The following PPM1H variants were observed in gnomAD, a reference collection of about 807,000 sequenced individuals.
PPM1H encodes protein phosphatase, Mg2+/Mn2+ dependent 1H.
PPM1H carries 27 observed loss-of-function variants against 54.9 expected under a neutral mutation model. The ratio of observed to expected loss-of-function variants is 0.49; its 90% confidence interval spans 0.36 to 0.68. The LOEUF is 0.68. Among genes scored for constraint, PPM1H ranks in the 30% least tolerant of loss-of-function variants. The pLI is 0.00. For missense variants in PPM1H, 596 were observed against 667.8 expected (o/e 0.89, Z 1.19); for synonymous variants, 305 against 270.8 (o/e 1.13, Z -1.24).
intron 1 of PPM1H, among the ~76,000 whole-genome samples, chr12:62,887,042 G>A (rs890705202): frequency 2.0e-5 from 3 of 152,180 alleles, no homozygotes; most frequent in Admixed American, 6.5e-5. Flanking sequence ...AGAACTGGCC[G>A]AAGAATGAAT....
chr12:62,728,045 T>C (rs2076299498), intron 5 of PPM1H, among the ~76,000 whole-genome samples: 1 of 152,026 alleles, frequency 6.6e-6, no homozygotes, highest in Non-Finnish European at 1.5e-5. Context: ...AATCCTAAAT[T>C]TTGAGGTTTT....
Position 62,735,511 on chromosome 12 carries a change from C to T in PPM1H, c.954+1991G>A, listed in dbSNP as rs185116932. On this transcript the variant is annotated intron_variant, in intron 5 of 9. Transcript: ENST00000228705. ...GGGATTACAGGCATGAGCCACCGTG[C>T]CCAGCCTGTTTTTAAATCTTTCGTT... is the stretch of plus-strand genomic sequence containing the variant. 2.4e-4 allele frequency among the ~76,000 whole-genome samples: 36 copies of T among 152,298 alleles called. No individual in the cohort carries two copies. In the East Asian group the frequency reaches 6.8e-3, roughly 29 times the overall value.
At chr12:62,739,511 A>G (rs1261439828) in intron 4 of PPM1H, among the ~76,000 whole-genome samples, 1 of 152,116 alleles carries the variant, frequency 6.6e-6, no homozygotes, top group Non-Finnish European at 1.5e-5. Context: ...TCCAAAGATA[A>G]TCTCCTCTTT....
chr12:62,813,422 G>A (rs896753602), intron 2 of PPM1H, among the ~76,000 whole-genome samples: 1 of 152,198 alleles, frequency 6.6e-6, no homozygotes, highest in East Asian at 1.9e-4. Flanking sequence ...GCGCCCTCGC[G>A]TGGTACGTAA....
intron 4 of PPM1H, among the ~76,000 whole-genome samples, chr12:62,769,796 G>A (rs1240289150): frequency 2.7e-5 from 4 of 150,928 alleles, no homozygotes; most frequent in East Asian, 3.9e-4. Flanking sequence ...GTCTGTGATC[G>A]GTGCCTTTCT....
chr12:62,932,934 C>A (rs1294678531), intron 1 of PPM1H, among the ~76,000 whole-genome samples: 1 of 151,312 alleles, frequency 6.6e-6, no homozygotes, highest in Non-Finnish European at 1.5e-5. Context: ...CGCGCCCGGC[C>A]TAAATGGGCT....
rs770147551 is a variant in PPM1H at position 62,826,946 on chromosome 12, C to A, written c.411+5168G>T. On this transcript the variant is annotated intron_variant, in intron 2 of 9. Coordinates refer to ENST00000228705, the MANE Select transcript of PPM1H (RefSeq NM_020700.2). ...CACTGTGTGGCCCATGCCATAGATA[C>A]CTTCCCTCTTCACAGTACCCCTCTC... Among the ~76,000 whole-genome samples the A allele has an allele frequency of 2.4e-4, 36 of 152,140 alleles. 1 individual carries two copies. Among genetic ancestry groups the A allele is most frequent in the Non-Finnish European group, 2.8e-4 (19 of 68,030 alleles).
At chr12:62,841,166 A>T (rs1010314711) in intron 1 of PPM1H, among the ~76,000 whole-genome samples, 10 of 152,104 alleles carry the variant, frequency 6.6e-5, no homozygotes, top group African/African-American at 2.4e-4. Context: ...GAGGGGTGAG[A>T]TAATGCAATT....
intron 5 of PPM1H, among the ~76,000 whole-genome samples, chr12:62,732,475 A>C (rs2120506495): frequency 6.6e-6 from 1 of 152,362 alleles, no homozygotes; most frequent in Admixed American, 6.5e-5. Flanking sequence ...TTCACTAGCA[A>C]GAAAAGCATT....
At chr12:62,909,089 TC>T (rs1461504404) in intron 1 of PPM1H, among the ~76,000 whole-genome samples, 1 of 151,726 alleles carries the variant, frequency 6.6e-6, no homozygotes, top group Admixed American at 6.6e-5. Context: ...AGGCTGAAAA[TC>T]CGGAATTATC....
At chr12:62,853,146 A>G (rs918226722) in intron 1 of PPM1H, among the ~76,000 whole-genome samples, 1 of 152,212 alleles carries the variant, frequency 6.6e-6, no homozygotes, top group Non-Finnish European at 1.5e-5. Flanking sequence ...CTCGGGGGCA[A>G]TAATGGTTTG....
At chr12:62,667,923 A>G (rs1425410545) in intron 8 of PPM1H, among the ~76,000 whole-genome samples, 1 of 152,148 alleles carries the variant, frequency 6.6e-6, no homozygotes, top group Non-Finnish European at 1.5e-5. Flanking sequence ...CTGAGGCCCA[A>G]GCAGCCAACT....
In PPM1H at chr12:62,893,463, C is replaced by CT. The variant is rs200390227; in HGVS notation, c.245+41028dup. On this transcript the variant is annotated intron_variant, in intron 1 of 9. Coordinates refer to ENST00000228705, the MANE Select transcript of PPM1H (RefSeq NM_020700.2). ...TAGGGCCCACTTGACCTCATTTAAC[C>CT]TTTTTTTTTCTGAGACAGGGTTTCA... Among the ~76,000 whole-genome samples the CT allele has an allele frequency of 2.2e-3, 331 of 151,240 alleles. 2 individuals carry two copies. Among genetic ancestry groups the CT allele is most frequent in the Non-Finnish European group, 3.8e-3 (255 of 67,752 alleles).
At chr12:62,928,603 C>G (rs1426712790) in intron 1 of PPM1H, among the ~76,000 whole-genome samples, 1 of 152,218 alleles carries the variant, frequency 6.6e-6, no homozygotes, top group Admixed American at 6.5e-5. Context: ...AGTCAGGCCT[C>G]TCTTCTCTAC....
At chr12:62,875,576 T>C (rs186833869) in intron 1 of PPM1H, among the ~76,000 whole-genome samples, 264 of 152,326 alleles carry the variant, frequency 1.7e-3, no homozygotes, top group African/African-American at 6.1e-3. Flanking sequence ...TTTTTCTATA[T>C]AGCAAATCAA....
At chr12:62,866,421 A>G (rs1869777614) in intron 1 of PPM1H, among the ~76,000 whole-genome samples, 1 of 152,210 alleles carries the variant, frequency 6.6e-6, no homozygotes, top group Non-Finnish European at 1.5e-5. Context: ...AATGACTTGC[A>G]TCTAGTTTAT....
chr12:62,882,321 CAA>C (rs1242884980), intron 1 of PPM1H, among the ~76,000 whole-genome samples: 4 of 152,246 alleles, frequency 2.6e-5, no homozygotes, highest in Non-Finnish European at 4.4e-5. Flanking sequence ...AGTAGCTACG[CAA>C]AGTCTATCCT....
At chr12:62,680,715 G>A (rs1478904916) in intron 8 of PPM1H, among the ~76,000 whole-genome samples, 1 of 152,176 alleles carries the variant, frequency 6.6e-6, no homozygotes, top group Non-Finnish European at 1.5e-5. Context: ...TCCTAAGGAA[G>A]AGCCACCCAG....
At chr12:62,740,607 G>A (rs1046786409) in intron 4 of PPM1H, among the ~76,000 whole-genome samples, 1 of 152,114 alleles carries the variant, frequency 6.6e-6, no homozygotes, top group African/African-American at 2.4e-5. Flanking sequence ...TTTTATAATT[G>A]ATTACTTAAC....
Sources: gnomAD v4.1 joint callset for allele counts (sites outside exome capture counted in the v4.1 genomes callset) on GRCh38, gnomAD v4.1.1 for gene constraint, MANE v1.5 for transcripts, NCBI Gene and HGNC (gene_info 2026-07-23, HGNC 2026-07-21) for gene names.